ZDHHC21: variants seen among roughly 807,000 people sequenced by gnomAD.
ZDHHC21 encodes the protein palmitoyltransferase ZDHHC21.
In ZDHHC21, 15 loss-of-function variants were observed where a neutral mutation model predicts 34.6. The ratio of observed to expected loss-of-function variants is 0.43; its 90% CI spans 0.29 to 0.67. The LOEUF (loss-of-function observed/expected upper bound fraction) is 0.67. Ranked by LOEUF, ZDHHC21 falls within the 30% of genes least tolerant of loss-of-function variation. The pLI, the probability that ZDHHC21 is intolerant of heterozygous loss-of-function variation, is 0.14. For synonymous variants in ZDHHC21, 142 were observed against 101.8 expected (o/e 1.40, Z -2.38); for missense variants, 344 against 327.7 (o/e 1.05, Z -0.38).
At chr9:14,633,731 T>C (rs996669078) in intron 8 of ZDHHC21, among the ~76,000 whole-genome samples, 3 of 152,104 alleles carry the variant, frequency 2.0e-5, no homozygotes, top group African/African-American at 4.8e-5. Context: ...AGGGTGCATT[T>C]TCACATGCCC....
intron 7 of ZDHHC21, among the ~76,000 whole-genome samples, chr9:14,654,623 A>T (rs1201867574): frequency 4.6e-5 from 7 of 152,106 alleles, no homozygotes; most frequent in Admixed American, 3.9e-4. Flanking sequence ...GTTTAAAAAA[A>T]TAGATGACAA....
chr9:14,620,929 A>C (rs1825198127), intron 8 of ZDHHC21, among the ~76,000 whole-genome samples: 2 of 152,024 alleles, frequency 1.3e-5, no homozygotes, highest in Admixed American at 1.3e-4. Context: ...TGACAATTGT[A>C]TTAATAATTA....
chr9:14,675,424 C>A lies in ZDHHC21; in HGVS notation c.-45-1039G>T, dbSNP rs117262246. Among the ~76,000 whole-genome samples, 1,103 of 151,952 alleles carry A rather than the reference C, an allele frequency of 7.3e-3. 4 individuals are homozygous for A. Among genetic ancestry groups the A allele is most frequent in the Middle Eastern group, 0.017 (5 of 294 alleles). On this transcript the variant is annotated intron_variant, in intron 3 of 9. Transcript: ENST00000380916. ...TTTTAAAAATACATATTCCCAGACC[C>A]CATTCTACATCTACTGAATCATAAT...
chr9:14,649,598 T>C (rs1830862871), intron 7 of ZDHHC21, among the ~76,000 whole-genome samples: 1 of 152,088 alleles, frequency 6.6e-6, no homozygotes, highest in Admixed American at 6.6e-5. Flanking sequence ...CTCAGTCTTA[T>C]TACATCCTAA....
At chr9:14,632,993 G>C (rs1464208727) in intron 8 of ZDHHC21, among the ~76,000 whole-genome samples, 1 of 152,156 alleles carries the variant, frequency 6.6e-6, no homozygotes, top group African/African-American at 2.4e-5. Flanking sequence ...AGCAACTTTA[G>C]AAAAACAGTG....
intron 2 of ZDHHC21, among the ~76,000 whole-genome samples, chr9:14,683,886 G>C (rs577253743): frequency 6.6e-6 from 1 of 152,254 alleles, no homozygotes; most frequent in African/African-American, 2.4e-5. Flanking sequence ...AGGATGCAAG[G>C]CTGGTTCAAC....
chr9:14,641,783 G>C (rs1206866467), intron 7 of ZDHHC21, among the ~76,000 whole-genome samples: 1 of 152,148 alleles, frequency 6.6e-6, no homozygotes. Flanking sequence ...AAAGTGCCAT[G>C]TTTATCATAG....
chr9:14,656,045 G>T (rs1207174624), intron 7 of ZDHHC21, among the ~76,000 whole-genome samples: 1 of 151,562 alleles, frequency 6.6e-6, no homozygotes, highest in Non-Finnish European at 1.5e-5. Flanking sequence ...AGAATAAAGA[G>T]GCATATTTTA....
intron 2 of ZDHHC21, among the ~76,000 whole-genome samples, chr9:14,685,122 C>T (rs938486926): frequency 6.6e-6 from 1 of 151,756 alleles, no homozygotes; most frequent in Admixed American, 6.6e-5. Context: ...CTAGGCAATA[C>T]CATTCAGGAC....
At chr9:14,673,549 T>C (rs1564370609) in intron 4 of ZDHHC21, among the ~76,000 whole-genome samples, 1 of 151,628 alleles carries the variant, frequency 6.6e-6, no homozygotes, top group Non-Finnish European at 1.5e-5. Context: ...AAACATACTG[T>C]ACATGTAAAG....
chr9:14,642,664 T>C (rs1399458870), intron 7 of ZDHHC21, among the ~76,000 whole-genome samples: 1 of 152,056 alleles, frequency 6.6e-6, no homozygotes, highest in Non-Finnish European at 1.5e-5. Context: ...AAAGACCATG[T>C]GGGGACAGAG....
chr9:14,607,992 G>T (rs996980663), downstream of ZDHHC21, among the ~76,000 whole-genome samples: 3 of 152,146 alleles, frequency 2.0e-5, no homozygotes, highest in Admixed American at 1.3e-4. Flanking sequence ...GTACTTTTCC[G>T]TGATGAGAAT....
At chr9:14,607,416 T>C (rs1387863246), downstream of ZDHHC21, among the ~76,000 whole-genome samples, 1 of 152,136 alleles carries the variant, frequency 6.6e-6, no homozygotes, top group Non-Finnish European at 1.5e-5. Flanking sequence ...AAAAAAAAGT[T>C]ATTATATGTT....
chr9:14,674,415 C>T (rs1835989535), intron 3 of ZDHHC21, 30 bp from the exon 4 acceptor site: 2 of 1,422,486 alleles, frequency 1.4e-6, no homozygotes, highest in Non-Finnish European at 9.4e-7. Flanking sequence ...AAAATAATTA[C>T]TTACATAGAA....
At chr9:14,659,464 C>A (rs1050310286) in intron 6 of ZDHHC21, among the ~76,000 whole-genome samples, 7 of 152,160 alleles carry the variant, frequency 4.6e-5, no homozygotes, top group Non-Finnish European at 1.0e-4. Flanking sequence ...ACCAATACAA[C>A]AGTGAACCCT....
In ZDHHC21 at chr9:14,619,678, G is replaced by A. The variant is rs757487812; in HGVS notation, c.626C>T (p.Thr209Ile). 1.5e-5 allele frequency: 21 copies of A among 1,380,926 alleles called. No homozygotes were observed. The highest frequency in any genetic ancestry group is 1.9e-5 in the Non-Finnish European group (19 of 1,003,378). The allele number at this position is 1,380,926 out of a possible 1,614,324, so 85.5% of individuals were successfully genotyped here. The change falls in exon 9 of 10, where the codon ACA (threonine) becomes ATA (isoleucine). Residue 209 changes from threonine to isoleucine, a missense_variant. By Grantham distance (89) the Thr-to-Ile change is moderately conservative. Transcript: ENST00000380916. ...YTQLIGIITD[T>I]TSIEKMSNCC... ...GTTTGACATCTTTTCAATAGATGTT[G>A]TATCCTATTAAAAATAAAAAATTAT...
intron 7 of ZDHHC21, among the ~76,000 whole-genome samples, chr9:14,653,461 T>C (rs906463075): frequency 1.3e-5 from 2 of 152,166 alleles, no homozygotes; most frequent in Admixed American, 1.3e-4. Flanking sequence ...AACATTATTT[T>C]ATTATTTAGC....
chr9:14,686,310 A>T (rs17288444), intron 2 of ZDHHC21, among the ~76,000 whole-genome samples: 2 of 151,834 alleles, frequency 1.3e-5, no homozygotes, highest in Non-Finnish European at 2.9e-5. Flanking sequence ...TTAGTGATCA[A>T]TTGGGAGCAA....
chr9:14,658,874 C>CA lies in ZDHHC21; in HGVS notation c.378dup (p.Val127CysfsTer3). ...AAGAGCCAATGATTATCTTCACCAA[C>CA]ACAATTGTTAATCCTAAAGAAAAAA... On this transcript the variant is annotated frameshift_variant, in exon 7 of 10. Coordinates refer to ENST00000380916, the MANE Select transcript of ZDHHC21 (RefSeq NM_178566.6). LOFTEE classifies it high-confidence loss of function. The CA allele has an allele frequency of 6.2e-7, 1 of 1,610,442 alleles. No individual in the cohort carries two copies. The highest frequency in any genetic ancestry group is 8.5e-7 in the Non-Finnish European group (1 of 1,178,716).
Sources: gnomAD v4.1 joint callset for allele counts (sites outside exome capture counted in the v4.1 genomes callset) on GRCh38, gnomAD v4.1.1 for gene constraint, MANE v1.5 for transcripts, NCBI Gene and HGNC (gene_info 2026-07-23, HGNC 2026-07-21) for gene names.